Variants in NFKB1 observed in about 807,000 individuals in gnomAD.
NFKB1 encodes the protein nuclear factor NF-kappa-B p105 subunit.
In NFKB1, 9 loss-of-function variants were observed where a neutral mutation model predicts 105.1. The ratio of observed to expected loss-of-function variants is 0.09; its 90% CI spans 0.05 to 0.15. The LOEUF (loss-of-function observed/expected upper bound fraction) is 0.15, where lower values mean the gene tolerates loss of function less well. Among genes scored for constraint, NFKB1 ranks in the 10% least tolerant of loss-of-function variants. The probability of loss-of-function intolerance (pLI) is 1.00; values close to 1 mark genes in which losing one functional copy is unlikely to be tolerated. For synonymous variants in NFKB1, 440 were observed against 442.2 expected (o/e 1.00, Z 0.06); for missense variants, 830 against 1,203.7 (o/e 0.69, Z 4.59).
chr4:102,566,406 A>G (rs1436656589), intron 5 of NFKB1, among the ~76,000 whole-genome samples: 3 of 152,218 alleles, frequency 2.0e-5, no homozygotes, highest in Non-Finnish European at 4.4e-5. Flanking sequence ...AGAGAGGGCT[A>G]CTGAAGGCTC....
chr4:102,502,537 T>C (rs898276753), intron 1 of NFKB1, among the ~76,000 whole-genome samples: 7 of 152,190 alleles, frequency 4.6e-5, no homozygotes, highest in Admixed American at 3.3e-4. Context: ...GACTTGATTA[T>C]GTAAAACTCT....
At chr4:102,562,849 A>G (rs994233519) in intron 5 of NFKB1, among the ~76,000 whole-genome samples, 4 of 152,140 alleles carry the variant, frequency 2.6e-5, no homozygotes, top group African/African-American at 4.8e-5. Context: ...TTCCGTTTGA[A>G]AATTGTGTAT....
intron 16 of NFKB1, among the ~76,000 whole-genome samples, chr4:102,605,304 A>G (rs144795063): frequency 2.0e-3 from 308 of 152,336 alleles, no homozygotes; most frequent in African/African-American, 7.2e-3. Flanking sequence ...AGGGTCTTGT[A>G]TAGTAAATAA....
chr4:102,571,827 C>T lies in NFKB1; in HGVS notation c.407+4692C>T, dbSNP rs549419639. ...GTTAGAATGGCAATCATTAAAAAGT[C>T]GAAACAACAGGTGCTGGAGAGGTTG... On this transcript the variant is annotated intron_variant, in intron 6 of 23. Transcript: ENST00000226574. Among the ~76,000 whole-genome samples the T allele has an allele frequency of 2.6e-5, 4 of 152,016 alleles. No individual in the cohort carries two copies. In the East Asian group the frequency reaches 7.8e-4, roughly 29 times the overall value.
chr4:102,503,397 A>G (rs1293722496), intron 1 of NFKB1: 4 of 151,996 alleles, frequency 2.6e-5, no homozygotes, highest in African/African-American at 7.2e-5. Flanking sequence ...ACACAAAGGA[A>G]CACACGTTAT....
rs1422166284 is a variant in NFKB1 at position 102,515,090 on chromosome 4, A to ATAT, written c.-7-10405_-7-10403dup. Among the ~76,000 whole-genome samples, 774 of 130,864 alleles carry ATAT rather than the reference A, an allele frequency of 5.9e-3. 11 individuals carry two copies. The highest frequency in any genetic ancestry group is 0.014 in the African/African-American group (481 of 35,044). 85.9% of individuals were successfully genotyped at this position (130,864 alleles called of 152,430 possible). On this transcript the variant is annotated intron_variant, in intron 1 of 23. Transcript: ENST00000226574. ...GATGAGTTCAGTCCAGTTCCATGTAATATTATTATTATTATTATTTTTTTT... is the reference window on the plus strand; with the variant it reads ...GATGAGTTCAGTCCAGTTCCATGTAATATTATTATTATTATTATTATTTTTTTT...
chr4:102,554,523 C>T (rs1361779770), intron 5 of NFKB1, among the ~76,000 whole-genome samples: 1 of 152,154 alleles, frequency 6.6e-6, no homozygotes, highest in African/African-American at 2.4e-5. Context: ...CTGTTGTTTT[C>T]TCCAAGCGGA....
At chr4:102,564,073 G>C (rs996027482) in intron 5 of NFKB1, among the ~76,000 whole-genome samples, 1 of 151,900 alleles carries the variant, frequency 6.6e-6, no homozygotes, top group African/African-American at 2.4e-5. Flanking sequence ...ACCCGTCTCG[G>C]CCTCCCAAAG....
chr4:102,515,024 CTTG>C (rs1163672668), intron 1 of NFKB1, among the ~76,000 whole-genome samples: 17 of 150,264 alleles, frequency 1.1e-4, no homozygotes, highest in Non-Finnish European at 2.4e-4. Flanking sequence ...ATACTTTAAT[CTTG>C]TTTTTTAAAA....
At chr4:102,527,826 C>T (rs1242196785) in intron 2 of NFKB1, among the ~76,000 whole-genome samples, 1 of 152,134 alleles carries the variant, frequency 6.6e-6, no homozygotes, top group African/African-American at 2.4e-5. Context: ...CCTTTCCTGT[C>T]TGTACACAGG....
At chr4:102,556,898 CT>C (rs1234891234) in intron 5 of NFKB1, among the ~76,000 whole-genome samples, 1 of 151,678 alleles carries the variant, frequency 6.6e-6, no homozygotes, top group African/African-American at 2.4e-5. Flanking sequence ...CCAGAAGGGG[CT>C]TTTTTTTAGA....
At position 102,607,251 on chromosome 4, in the gene NFKB1, G is replaced by A. The variant is rs934744465; in HGVS notation, c.2056G>A (p.Gly686Arg). The A allele has an allele frequency of 2.5e-6, 4 of 1,614,080 alleles. No homozygotes were observed. Among genetic ancestry groups the A allele is most frequent in the Non-Finnish European group, 3.4e-6 (4 of 1,180,052 alleles). Residue 686 changes from glycine to arginine, a missense_variant, in exon 18 of 24, where the codon GGG becomes AGG. By Grantham distance (125) the Gly-to-Arg change is moderately radical. Transcript: ENST00000226574. ...CGTCAATGCTCAGGAGCAGAAGTCC[G>A]GGCGCACAGCACTGCACCTGGCTGT... ...ADVNAQEQKS[G>R]RTALHLAVEH...
chr4:102,574,051 A>G (rs749692841), intron 6 of NFKB1, among the ~76,000 whole-genome samples: 1 of 113,500 alleles, frequency 8.8e-6, no homozygotes, highest in East Asian at 2.7e-4. Flanking sequence ...ATATTTTTCT[A>G]TTTCTTTCCA....
At chr4:102,567,829 T>A (rs230497) in intron 6 of NFKB1, among the ~76,000 whole-genome samples, 101,245 of 152,054 alleles carry the variant, frequency 0.67, 34,127 homozygotes, top group Middle Eastern at 0.76. Context: ...GCTAAAAAAC[T>A]TGTATTTTCA....
chr4:102,522,108 G>A (rs1027990567), intron 1 of NFKB1, among the ~76,000 whole-genome samples: 2 of 152,190 alleles, frequency 1.3e-5, no homozygotes, highest in African/African-American at 2.4e-5. Context: ...TGGGGGAACA[G>A]GGAGGTAGAA....
intron 2 of NFKB1, 56 bp from the exon 3 acceptor site, chr4:102,529,780 T>C: frequency 7.4e-7 from 1 of 1,348,966 alleles, no homozygotes; most frequent in Non-Finnish European, 1.0e-6. Context: ...ACTTCAAATT[T>C]TTCATATAAT....
At chr4:102,560,999 G>A (rs149192280) in intron 5 of NFKB1, among the ~76,000 whole-genome samples, 1 of 152,296 alleles carries the variant, frequency 6.6e-6, no homozygotes, top group African/African-American at 2.4e-5. Flanking sequence ...AGAGCTAGGA[G>A]GGGGAAAAGC....
In NFKB1 at chr4:102,547,453, A is replaced by G. The variant is rs188347171; in HGVS notation, c.258+9497A>G. ...TTGTGGACCACACTTTTAGGTTTTA[A>G]AGCATTGGCTCTGAAGTCATTTGGT... On this transcript the variant is annotated intron_variant, in intron 5 of 23. Coordinates refer to ENST00000226574, the MANE Select transcript of NFKB1 (RefSeq NM_003998.4). Among the ~76,000 whole-genome samples the G allele has an allele frequency of 2.3e-3, 354 of 152,244 alleles. 1 individual carries two copies. The highest frequency in any genetic ancestry group is 8.4e-3 in the African/African-American group (347 of 41,556).
At chr4:102,570,394 T>C (rs1156579392) in intron 6 of NFKB1, among the ~76,000 whole-genome samples, 1 of 152,160 alleles carries the variant, frequency 6.6e-6, no homozygotes, top group East Asian at 1.9e-4. Context: ...ATGATCTTAT[T>C]CTTTTTTATG....
Sources: gnomAD v4.1 joint callset for allele counts (sites outside exome capture counted in the v4.1 genomes callset) on GRCh38, gnomAD v4.1.1 for gene constraint, MANE v1.5 for transcripts, NCBI Gene and HGNC (gene_info 2026-07-23, HGNC 2026-07-21) for gene names.